APPL2: variants seen among roughly 807,000 people sequenced by gnomAD.
APPL2 encodes DCC-interacting protein 13-beta.
In APPL2, 84 loss-of-function variants were observed where a neutral mutation model predicts 92.7. That is an observed-to-expected ratio of 0.91 (90% confidence interval 0.76 to 1.09). The LOEUF (loss-of-function observed/expected upper bound fraction) is 1.09. Among genes scored for constraint, APPL2 ranks in the 50% least tolerant of loss-of-function variants. APPL2 has a pLI of 0.00. For synonymous variants in APPL2, 291 were observed against 291.0 expected (o/e 1.00, Z 0.00); for missense variants, 736 against 824.5 (o/e 0.89, Z 1.31).
At chr12:105,182,194 A>G (rs905927288) in intron 17 of APPL2, among the ~76,000 whole-genome samples, 2 of 151,934 alleles carry the variant, frequency 1.3e-5, no homozygotes, top group Admixed American at 6.6e-5. Context: ...CACCTAGCAA[A>G]TTTTTTGTAT....
intron 17 of APPL2, among the ~76,000 whole-genome samples, chr12:105,184,920 G>C (rs1270771514): frequency 6.1e-5 from 1 of 16,524 alleles, no homozygotes; most frequent in Non-Finnish European, 1.9e-4. Flanking sequence ...GCCCCTGACT[G>C]GGGGCTGCTA....
chr12:105,196,058 C>CA (rs371863529), intron 11 of APPL2, among the ~76,000 whole-genome samples: 50,881 of 121,430 alleles, frequency 0.42, 9,696 homozygotes, highest in Middle Eastern at 0.6. Context: ...CTATCTCAAA[C>CA]AAAAAAAAAA....
At chr12:105,179,477 A>G (rs1447602575) in intron 17 of APPL2, among the ~76,000 whole-genome samples, 2 of 152,190 alleles carry the variant, frequency 1.3e-5, no homozygotes, top group African/African-American at 4.8e-5. Flanking sequence ...GAAAATGATT[A>G]TAGTCCTTTG....
intron 7 of APPL2, 65 bp downstream of exon 7, chr12:105,207,906 C>T: frequency 7.0e-7 from 1 of 1,433,482 alleles, no homozygotes. Flanking sequence ...CATAAATTCA[C>T]AAGAGGAAGG....
chr12:105,211,154 A>G (rs1889177181), intron 5 of APPL2, 76 bp downstream of exon 5: 9 of 1,052,318 alleles, frequency 8.6e-6, no homozygotes, highest in Non-Finnish European at 1.3e-5. Context: ...ACATTGAAAG[A>G]AATGCAGTAA....
chr12:105,182,142 C>T (rs1012430403), intron 17 of APPL2, among the ~76,000 whole-genome samples: 1 of 152,184 alleles, frequency 6.6e-6, no homozygotes, highest in African/African-American at 2.4e-5. Context: ...TCTCCTGCTC[C>T]AGCCTCTCCA....
intron 11 of APPL2, among the ~76,000 whole-genome samples, chr12:105,196,348 C>A (rs1381505757): frequency 6.6e-6 from 1 of 151,234 alleles, no homozygotes; most frequent in East Asian, 2.0e-4. Context: ...TTTCCCAGAA[C>A]TGAAAAGTCT....
intron 2 of APPL2, among the ~76,000 whole-genome samples, chr12:105,223,557 A>G (rs1269737007): frequency 6.6e-6 from 1 of 152,158 alleles, no homozygotes; most frequent in Non-Finnish European, 1.5e-5. Context: ...CCATGGGCAG[A>G]GTGGAGAGAG....
chr12:105,195,471 G>T lies in APPL2; in HGVS notation c.1126C>A (p.Gln376Lys), dbSNP rs1887559393. The change falls in exon 13 of 21, where the codon CAG (glutamine) becomes AAG (lysine). Residue 376 changes from glutamine to lysine, a missense_variant. Physicochemically the swap from Gln to Lys is moderately conservative, Grantham distance 53. Coordinates refer to ENST00000258530, the MANE Select transcript of APPL2 (RefSeq NM_018171.5). ...TCAGGGTTGTCGGTCAGGTAGATCT[G>T]TCTGGAGATGTTGTTTATTGCACAT... ...WICAINNISR[Q>K]IYLTDNPEAV... The T allele has an allele frequency of 1.2e-6, 2 of 1,614,014 alleles. No homozygotes were observed. Among genetic ancestry groups the T allele is most frequent in the Non-Finnish European group, 1.7e-6 (2 of 1,180,038 alleles).
Position 105,173,603 on chromosome 12 carries a change from T to C in APPL2, c.*711A>G, listed in dbSNP as rs927485424. 1 of 152,652 alleles carries C rather than the reference T, an allele frequency of 6.6e-6. No individual in the cohort carries two copies. Among genetic ancestry groups the C allele is most frequent in the African/African-American group, 2.4e-5 (1 of 41,450 alleles). 9.5% of individuals were successfully genotyped at this position (152,652 alleles called of 1,614,324 possible). A position where few individuals can be genotyped will look rare whatever the true frequency, so the allele number is the denominator to read the frequency against. On this transcript the variant is annotated 3_prime_UTR_variant, in exon 21 of 21. Coordinates refer to ENST00000258530, the MANE Select transcript of APPL2 (RefSeq NM_018171.5). ...TGGTAGAGCTGCACCCTGTCCACAG[T>C]GATCCACTACTAAAAATACTCATAC...
chr12:105,185,082 T>C (rs1451625055), intron 17 of APPL2, among the ~76,000 whole-genome samples: 3 of 152,128 alleles, frequency 2.0e-5, no homozygotes, highest in African/African-American at 7.2e-5. Context: ...TACTCAAGCC[T>C]CAGTAATGGC....
In APPL2 at chr12:105,203,771, C is replaced by T. The variant is rs763085616; in HGVS notation, c.636G>A (p.Lys212=). The T allele has an allele frequency of 3.7e-6, 6 of 1,613,416 alleles. No homozygotes were observed. Among genetic ancestry groups the T allele is most frequent in the South Asian group, 3.3e-5 (3 of 91,072 alleles). ...GTTTGGAAAACATCTCTGCTCCCTT[C>T]TTAAAAAAGTTAATCTGAAAGATAT... ...GFAHGQINFF[K]KGAEMFSKRM... is the part of the protein sequence containing the mutation. The change falls in exon 9 of 21, where the codon AAG becomes AAA. Residue 212 remains lysine (K), a synonymous_variant. Coordinates refer to ENST00000258530, the MANE Select transcript of APPL2 (RefSeq NM_018171.5).
intron 1 of APPL2, chr12:105,229,518 T>C (rs553611539): frequency 9.4e-5 from 97 of 1,028,476 alleles, no homozygotes; most frequent in Admixed American, 2.5e-4. Context: ...GTTCTGACTT[T>C]AGCCCCTACC....
At chr12:105,189,722 T>C (rs761885367) in intron 16 of APPL2, 50 bp downstream of exon 16, 7 of 1,553,436 alleles carry the variant, frequency 4.5e-6, no homozygotes, top group South Asian at 1.1e-5. Flanking sequence ...TCAATGGCCG[T>C]TGTCATTTTG....
At position 105,174,325 on chromosome 12, in the gene APPL2, A is replaced by G; in HGVS notation, c.1984T>C (p.Ser662Pro). ...GNPNEHRGAE[S>P]EA The stretch of plus-strand genomic sequence containing the variant: ...CAGGCGCAAGTGAGTTATGCTTCGG[A>G]TTCTGCGCCTCTATGTTCGTTTGGA... The change falls in exon 21 of 21, where the codon TCC becomes CCC. Residue 662 changes from serine to proline, a missense_variant. Physicochemically the swap from Ser to Pro is moderately conservative, Grantham distance 74. Transcript: ENST00000258530. The G allele has an allele frequency of 6.2e-7, 1 of 1,613,750 alleles. No individual in the cohort carries two copies. The highest frequency in any genetic ancestry group is 8.5e-7 in the Non-Finnish European group (1 of 1,179,862).
intron 17 of APPL2, among the ~76,000 whole-genome samples, chr12:105,182,006 T>G (rs1465684253): frequency 6.6e-6 from 1 of 152,152 alleles, no homozygotes; most frequent in Admixed American, 6.5e-5. Context: ...TCTGCTAGCT[T>G]TTGAATTTGT....
intron 17 of APPL2, among the ~76,000 whole-genome samples, chr12:105,183,455 G>T (rs1369926228): frequency 6.6e-6 from 1 of 152,106 alleles, no homozygotes; most frequent in Admixed American, 6.6e-5. Flanking sequence ...AGGTGTGGTG[G>T]TGACAACATC....
At chr12:105,176,653 T>C (rs1246998584) in intron 19 of APPL2, 1 of 504,988 alleles carries the variant, frequency 2.0e-6, no homozygotes, top group African/African-American at 1.9e-5. Context: ...TGCCATGAAA[T>C]TTCTTCCTCA....
intron 14 of APPL2, 97 bp from the exon 15 acceptor site, chr12:105,190,252 A>T (rs768318729): frequency 5.1e-5 from 67 of 1,321,008 alleles, no homozygotes; most frequent in Non-Finnish European, 6.1e-5. Context: ...TGAAAATACA[A>T]GGGGAAAGAT....
Sources: allele counts gnomAD v4.1 joint callset (sites outside exome capture counted in the v4.1 genomes callset), GRCh38; gene constraint gnomAD v4.1.1; transcripts MANE v1.5; gene names NCBI Gene and HGNC (gene_info 2026-07-23, HGNC 2026-07-21).